SLIT2: variants seen among roughly 807,000 people sequenced by gnomAD.
The protein encoded by SLIT2 is slit homolog 2 protein.
A neutral mutation model predicts 185.7 loss-of-function variants in SLIT2; 41 were observed. The ratio of observed to expected loss-of-function variants is 0.22; its 90% CI spans 0.17 to 0.29. SLIT2 has a LOEUF of 0.29. Among genes scored for constraint, SLIT2 ranks in the 10% least tolerant of loss-of-function variants. SLIT2 has a pLI of 1.00. For synonymous variants in SLIT2, 693 were observed against 680.2 expected (o/e 1.02, Z -0.29); for missense variants, 1,571 against 1,909.0 (o/e 0.82, Z 3.30).
At chr4:20,322,710 C>T (rs889704614) in intron 4 of SLIT2, among the ~76,000 whole-genome samples, 1 of 151,984 alleles carries the variant, frequency 6.6e-6, no homozygotes, top group Non-Finnish European at 1.5e-5. Context: ...TGTCTTATGC[C>T]CCAAAATAAG....
rs1729898172 is a variant in SLIT2 at position 20,619,015 on chromosome 4, C to A, written c.*6C>A. On this transcript the variant is annotated 3_prime_UTR_variant, in exon 37 of 37. Coordinates refer to ENST00000504154, the MANE Select transcript of SLIT2 (RefSeq NM_004787.4). ...GTACGAGGTGTGTGTCCTAAACACA[C>A]TCCCGGCAGCTCTGTCTTTGGAAAA... 3 of 1,604,532 alleles carry A rather than the reference C, an allele frequency of 1.9e-6. No homozygotes were observed. The highest frequency in any genetic ancestry group is 2.6e-6 in the Non-Finnish European group (3 of 1,171,806).
intron 3 of SLIT2, among the ~76,000 whole-genome samples, chr4:20,266,366 C>G (rs1051982262): frequency 6.6e-6 from 1 of 151,774 alleles, no homozygotes; most frequent in African/African-American, 2.4e-5. Context: ...ATCACATCAT[C>G]AAGGATGTTG....
chr4:20,522,110 C>T (rs73252462), intron 12 of SLIT2, among the ~76,000 whole-genome samples: 6,219 of 152,148 alleles, frequency 0.041, 201 homozygotes, highest in Non-Finnish European at 0.066. Context: ...TATAATAACA[C>T]GCTTCAGACC....
Position 20,549,142 on chromosome 4 carries a change from G to A in SLIT2, c.2489+14G>A. ...TCTTCGATTACTGTAAGCATCTTGT[G>A]TTCAACAGAATATCTCTTTTCTCAG... is the stretch of plus-strand genomic sequence containing the variant. On this transcript the variant is annotated intron_variant, in intron 24 of 36. Transcript: ENST00000504154. 6.7e-7 allele frequency: 1 copy of A among 1,496,796 alleles called. No individual in the cohort carries two copies. The highest frequency in any genetic ancestry group is 1.4e-5 in the African/African-American group (1 of 72,588). 92.7% of individuals were successfully genotyped at this position (1,496,796 alleles called of 1,614,324 possible).
intron 26 of SLIT2, among the ~76,000 whole-genome samples, chr4:20,554,868 C>T (rs1444498882): frequency 1.3e-5 from 2 of 152,084 alleles, no homozygotes; most frequent in Non-Finnish European, 2.9e-5. Context: ...GGTCCCGGCT[C>T]AAGCAATTCT....
chr4:20,512,221 G>A (rs1719823648), intron 11 of SLIT2, among the ~76,000 whole-genome samples: 1 of 152,134 alleles, frequency 6.6e-6, no homozygotes, highest in Non-Finnish European at 1.5e-5. Flanking sequence ...GGTAGCCAAT[G>A]AGAATGCCAA....
At chr4:20,343,163 T>C (rs1426769707) in intron 4 of SLIT2, among the ~76,000 whole-genome samples, 1 of 150,132 alleles carries the variant, frequency 6.7e-6, no homozygotes, top group East Asian at 1.9e-4. Context: ...ATTTATTCCA[T>C]CTATCTAATT....
intron 15 of SLIT2, among the ~76,000 whole-genome samples, chr4:20,527,645 A>G (rs1028769163): frequency 6.6e-6 from 1 of 152,044 alleles, no homozygotes; most frequent in Admixed American, 6.6e-5. Flanking sequence ...CTTTTATTAC[A>G]TTGGTTTTCT....
chr4:20,510,702 G>A (rs1719622238), intron 10 of SLIT2, 136 bp downstream of exon 10: 2 of 580,534 alleles, frequency 3.4e-6, no homozygotes, highest in Non-Finnish European at 6.0e-6. Context: ...CTGATTACTA[G>A]CTCTGTAATA....
At chr4:20,486,447 G>C (rs1717247811) in intron 7 of SLIT2, among the ~76,000 whole-genome samples, 176 bp downstream of exon 7, 1 of 151,976 alleles carries the variant, frequency 6.6e-6, no homozygotes, top group South Asian at 2.1e-4. Context: ...CTAGAAACTG[G>C]AAAGATTTCT....
chr4:20,525,115 G>A (rs761630925), intron 14 of SLIT2, 34 bp from the exon 15 acceptor site: 4 of 1,550,530 alleles, frequency 2.6e-6, no homozygotes, highest in South Asian at 1.1e-5. Flanking sequence ...ACATTCAGGT[G>A]CATCTTCTAT....
intron 4 of SLIT2, among the ~76,000 whole-genome samples, chr4:20,428,076 G>C (rs893928100): frequency 6.6e-6 from 1 of 152,200 alleles, no homozygotes; most frequent in African/African-American, 2.4e-5. Context: ...GTCTCACAGG[G>C]AGTAAAAGAA....
rs1715593467 is a variant in SLIT2, at chr4:20,472,580, CTATATATAGATA to C, written c.467+4763_467+4774del. 1.9e-4 allele frequency among the ~76,000 whole-genome samples: 2 copies of C among 10,386 alleles called. 1 individual carries two copies. Among genetic ancestry groups the C allele is most frequent in the African/African-American group, 1.5e-3 (2 of 1,326 alleles). 6.8% of individuals were successfully genotyped at this position (10,386 alleles called of 152,430 possible). On this transcript the variant is annotated intron_variant, in intron 5 of 36. Transcript: ENST00000504154. ...GATATATATCTATATATAGATATAT[CTATATATAGATA>C]TATATCTATAGATATATCTATATAT...
At chr4:20,364,245 G>C in intron 4 of SLIT2, 2 of 984,648 alleles carry the variant, frequency 2.0e-6, no homozygotes, top group Non-Finnish European at 2.4e-6. Context: ...CATCCACAAA[G>C]ACAGCTTTCT....
chr4:20,419,066 C>T (rs546030019), intron 4 of SLIT2, among the ~76,000 whole-genome samples: 1 of 152,152 alleles, frequency 6.6e-6, no homozygotes, highest in Non-Finnish European at 1.5e-5. Flanking sequence ...ACCATTGTGA[C>T]TCACAATGTT....
At chr4:20,390,753 G>T (rs1292406253) in intron 4 of SLIT2, among the ~76,000 whole-genome samples, 4 of 150,000 alleles carry the variant, frequency 2.7e-5, no homozygotes, top group African/African-American at 9.8e-5. Flanking sequence ...TTTAGAAAAA[G>T]ATCTTATTTT....
intron 11 of SLIT2, among the ~76,000 whole-genome samples, chr4:20,517,522 A>G (rs1720322199): frequency 6.7e-6 from 1 of 150,258 alleles, no homozygotes; most frequent in African/African-American, 2.5e-5. Flanking sequence ...GTTCTGGACA[A>G]TATAGAATCC....
chr4:20,349,274 G>A (rs1391931822), intron 4 of SLIT2, among the ~76,000 whole-genome samples: 1 of 152,128 alleles, frequency 6.6e-6, no homozygotes, highest in African/African-American at 2.4e-5. Context: ...GTAGCTGTTT[G>A]ATAAAATAAT....
chr4:20,530,366 C>T (rs559315405), intron 16 of SLIT2, among the ~76,000 whole-genome samples: 11 of 152,016 alleles, frequency 7.2e-5, no homozygotes, highest in East Asian at 5.8e-4. Flanking sequence ...GCCTCCTGGG[C>T]GCAAGGGATC....
Sources: allele counts gnomAD v4.1 joint callset (sites outside exome capture counted in the v4.1 genomes callset), GRCh38; gene constraint gnomAD v4.1.1; transcripts MANE v1.5; gene names NCBI Gene and HGNC (gene_info 2026-07-23, HGNC 2026-07-21).